The following SLC5A11 variants were observed in gnomAD, a reference collection of about 807,000 sequenced individuals.
SLC5A11 encodes solute carrier family 5 member 11, also known as sodium/myo-inositol cotransporter 2.
SLC5A11 carries 48 observed loss-of-function variants against 69.8 expected under a neutral mutation model. The ratio of observed to expected loss-of-function variants is 0.69; its 90% CI spans 0.55 to 0.87. SLC5A11 has a LOEUF of 0.87. Among genes scored for constraint, SLC5A11 ranks in the 40% least tolerant of loss-of-function variants. The pLI is 0.00. For synonymous variants in SLC5A11, 319 were observed against 342.4 expected, an observed-to-expected ratio of 0.93 and a Z score of 0.75; for missense variants, 784 against 866.1, an observed-to-expected ratio of 0.91 and a Z score of 1.19.
chr16:24,853,112 T>C (rs910604913), intron 1 of SLC5A11, among the ~76,000 whole-genome samples: 1 of 152,004 alleles, frequency 6.6e-6, no homozygotes, highest in African/African-American at 2.4e-5. Context: ...CTAATGTTTG[T>C]TCTACTGAGT....
At chr16:24,854,024 T>C (rs768169223) in intron 1 of SLC5A11, among the ~76,000 whole-genome samples, 6 of 152,032 alleles carry the variant, frequency 3.9e-5, no homozygotes, top group Non-Finnish European at 8.8e-5. Flanking sequence ...AGGAAGGGCT[T>C]GGAATCGGTG....
At chr16:24,898,018 C>A in exon 10 of SLC5A11, 4 of 1,614,136 alleles carry the variant, frequency 2.5e-6, no homozygotes, top group Non-Finnish European at 3.4e-6. Context: ...TGTCCCATGC[C>A]AAAGGAGGTG....
chr16:24,900,393 A>T (rs920279475), intron 10 of SLC5A11, among the ~76,000 whole-genome samples: 3 of 152,162 alleles, frequency 2.0e-5, no homozygotes, highest in Admixed American at 6.5e-5. Context: ...GCAGGAGAAA[A>T]GAGATGGGGA....
At chr16:24,852,452 C>T (rs1352035100) in intron 1 of SLC5A11, among the ~76,000 whole-genome samples, 1 of 152,176 alleles carries the variant, frequency 6.6e-6, no homozygotes, top group African/African-American at 2.4e-5. Context: ...CAATAGGCGA[C>T]CTCAAGGGTA....
chr16:24,908,512 C>T (rs1197247776), intron 13 of SLC5A11, among the ~76,000 whole-genome samples: 7 of 148,082 alleles, frequency 4.7e-5, no homozygotes, highest in Non-Finnish European at 4.4e-5. Context: ...GCAGGAGAAT[C>T]ACTGGAACCT....
At chr16:24,865,121 T>C (rs1474066680) in intron 3 of SLC5A11, among the ~76,000 whole-genome samples, 1 of 152,080 alleles carries the variant, frequency 6.6e-6, no homozygotes, top group Non-Finnish European at 1.5e-5. Context: ...CTAAATTTTA[T>C]TAACAATATT....
chr16:24,900,557 C>A (rs555481055), intron 10 of SLC5A11, among the ~76,000 whole-genome samples: 28 of 152,214 alleles, frequency 1.8e-4, no homozygotes, highest in African/African-American at 6.5e-4. Context: ...GAACTGGGAT[C>A]TGGGTTTTGC....
intron 1 of SLC5A11, among the ~76,000 whole-genome samples, chr16:24,854,639 C>A (rs1392419890): frequency 6.6e-6 from 1 of 152,142 alleles, no homozygotes; most frequent in Non-Finnish European, 1.5e-5. Context: ...ACCATGTTAC[C>A]CAGGCTTGTC....
chr16:24,906,726 T>C (rs775429681), exon 11 of SLC5A11: 1 of 1,613,690 alleles, frequency 6.2e-7, no homozygotes, highest in Non-Finnish European at 8.5e-7. Flanking sequence ...TGTTCGGACA[T>C]CGCGTATCCC....
chr16:24,849,934 A>C (rs1408225046), intron 1 of SLC5A11, among the ~76,000 whole-genome samples: 1 of 151,746 alleles, frequency 6.6e-6, no homozygotes, highest in East Asian at 1.9e-4. Context: ...TGTCTTTTTA[A>C]AATTTTTTAT....
chr16:24,856,507 A>G (rs570706397), intron 1 of SLC5A11, among the ~76,000 whole-genome samples: 1 of 150,502 alleles, frequency 6.6e-6, no homozygotes, highest in East Asian at 2.0e-4. Context: ...TAATCCCAGC[A>G]CTTTGGGAGG....
chr16:24,862,742 T>C (rs1268129241), intron 3 of SLC5A11, 70 bp downstream of exon 4: 6 of 1,416,862 alleles, frequency 4.2e-6, no homozygotes, highest in Non-Finnish European at 5.0e-6. Flanking sequence ...CTGTCCAGCC[T>C]TTGATATCTC....
At chr16:24,874,540 T>C (rs144561545) in intron 5 of SLC5A11, among the ~76,000 whole-genome samples, 51 of 152,334 alleles carry the variant, frequency 3.3e-4, no homozygotes, top group African/African-American at 1.2e-3. Flanking sequence ...ATTTGGTGCA[T>C]GTGTAGTGAT....
rs2050075194 is a variant in SLC5A11, at chr16:24,906,566, A to C, written c.1007-91A>C. ...TTATTTCATTGAGCTATAAACTTCC[A>C]TATGATAAGCCTGTGTCCGGCCCCA... On this transcript the variant is annotated intron_variant, in intron 10 of 15. Transcript: ENST00000347898. 1.0e-5 allele frequency: 7 copies of C among 680,182 alleles called. No individual in the cohort carries two copies. In the South Asian group the frequency reaches 1.8e-4, roughly 18 times the overall value. 42.1% of individuals were successfully genotyped at this position (680,182 alleles called of 1,614,324 possible). A position where few individuals can be genotyped will look rare whatever the true frequency, so the allele number is the denominator to read the frequency against.
At chr16:24,894,334 G>A (rs1021916465) in intron 9 of SLC5A11, among the ~76,000 whole-genome samples, 13 of 152,096 alleles carry the variant, frequency 8.5e-5, no homozygotes, top group Non-Finnish European at 1.0e-4. Context: ...CCAAGGAAGG[G>A]AAAATTTATA....
exon 15 of SLC5A11, chr16:24,910,323 G>T (rs2050415725): frequency 1.9e-6 from 3 of 1,614,022 alleles, no homozygotes; most frequent in Non-Finnish European, 2.5e-6. Flanking sequence ...ACCTGACCTG[G>T]TTTACTCGTC....
intron 4 of SLC5A11, among the ~76,000 whole-genome samples, chr16:24,871,912 T>C (rs2547038): frequency 0.18 from 27,901 of 151,966 alleles, 2,695 homozygotes; most frequent in Non-Finnish European, 0.21. Flanking sequence ...GATGACATGA[T>C]GTTTAGGAGA....
intron 7 of SLC5A11, among the ~76,000 whole-genome samples, chr16:24,883,087 G>C (rs1206613871): frequency 6.6e-6 from 1 of 152,206 alleles, no homozygotes; most frequent in African/African-American, 2.4e-5. Flanking sequence ...GGTGTTGGCT[G>C]GGTGTAGTTG....
At chr16:24,898,239 T>C in intron 10 of SLC5A11, 130 bp downstream of exon 11, 3 of 1,239,402 alleles carry the variant, frequency 2.4e-6, no homozygotes, top group Non-Finnish European at 3.3e-6. Flanking sequence ...TAAGACAGAG[T>C]CTCATTCTGT....
Sources: allele counts gnomAD v4.1 joint callset (sites outside exome capture counted in the v4.1 genomes callset), GRCh38; gene constraint gnomAD v4.1.1; transcripts MANE v1.5; gene names NCBI Gene and HGNC (gene_info 2026-07-23, HGNC 2026-07-21).